FCER2: variants seen among roughly 807,000 people sequenced by gnomAD.
The protein encoded by FCER2 is Fc epsilon receptor II.
Under a neutral mutation model 49.7 loss-of-function variants are expected in FCER2, and 38 were observed. That is an observed-to-expected ratio of 0.76 (90% confidence interval 0.59 to 1.00). FCER2 has a LOEUF of 1.00. Among genes scored for constraint, FCER2 ranks in the 50% least tolerant of loss-of-function variants. FCER2 has a pLI of 0.00. For missense variants in FCER2, 425 were observed against 419.5 expected (o/e 1.01, Z -0.11); for synonymous variants, 163 against 164.6 (o/e 0.99, Z 0.07).
chr19:7,692,113 T>C (rs374671533), intron 8 of FCER2, among the ~76,000 whole-genome samples: 1 of 68,458 alleles, frequency 1.5e-5, no homozygotes, highest in Admixed American at 1.2e-4. Flanking sequence ...ACCATTGTCA[T>C]GAACACATTC....
At position 7,689,381 on chromosome 19, in the gene FCER2, C is replaced by G; in HGVS notation, c.778G>C (p.Val260Leu). The G allele has an allele frequency of 6.2e-7, 1 of 1,608,252 alleles. No individual in the cohort carries two copies. The highest frequency in any genetic ancestry group is 1.1e-5 in the South Asian group (1 of 90,278). Residue 260 changes from valine (V) to leucine (L), a missense_variant, in exon 11 of 11, where the codon GTG (valine) becomes CTG (leucine). Physicochemically the swap from Val to Leu is conservative, Grantham distance 32. Coordinates refer to ENST00000597921, the MANE Select transcript of FCER2 (RefSeq NM_001220500.2). The part of the protein sequence containing the change: ...PTSRSQGEDC[V>L]MMRGSGRWND... The stretch of plus-strand genomic sequence containing the variant: ...CAGCGACCGGAGCCCCGCATCATCA[C>G]GCAGTCCTCGCCCTGGCTCCGGCTG...
intron 10 of FCER2, among the ~76,000 whole-genome samples, chr19:7,689,681 G>C (rs1021071374): frequency 3.9e-5 from 6 of 151,996 alleles, no homozygotes; most frequent in African/African-American, 1.2e-4. Context: ...AGTGCAGTGC[G>C]CGATCTCAGC....
In FCER2 at chr19:7,698,346, C is replaced by T. The variant is rs1449187053; in HGVS notation, c.190+10G>A. 6 of 1,598,628 alleles carry T rather than the reference C, an allele frequency of 3.8e-6. No homozygotes were observed. The highest frequency in any genetic ancestry group is 1.7e-5 in the Admixed American group (1 of 58,564). ...TCACCCCCACCCCCTCCACCTTGAC[C>T]CCTTCATACCGTTCCGGGCAGCCCT... On this transcript the variant is annotated intron_variant, in intron 4 of 10. Transcript: ENST00000597921.
At position 7,697,616 on chromosome 19, in the gene FCER2, C is replaced by T. The variant is rs777510712; in HGVS notation, c.191-27G>A. 1.9e-6 allele frequency: 3 copies of T among 1,608,942 alleles called. No individual in the cohort carries two copies. The African/African-American group carries it at 4.0e-5, about 21-fold the overall frequency. On this transcript the variant is annotated intron_variant, in intron 4 of 10. Transcript: ENST00000597921. The stretch of plus-strand genomic sequence containing the variant: ...TGGAGCGGCGGGAGAGAAGAGATAT[C>T]CCAGGAACCTCAAAGGCAGGTCCTT...
chr19:7,689,489 C>T (rs774226662), intron 10 of FCER2, 59 bp from the exon 11 acceptor site: 4 of 1,139,510 alleles, frequency 3.5e-6, no homozygotes, highest in Non-Finnish European at 5.0e-6. Context: ...CAGTTCCCGG[C>T]AGCCCTCTGA....
chr19:7,698,552 G>T, intron 3 of FCER2, 143 bp from the exon 4 acceptor site: 1 of 868,548 alleles, frequency 1.2e-6, no homozygotes, highest in Non-Finnish European at 1.8e-6. Context: ...GATGCTGGGT[G>T]TGGGGTGAGG....
chr19:7,698,781 G>A lies in FCER2; in HGVS notation c.96C>T (p.Ala32=), dbSNP rs185214885. 78 of 1,612,656 alleles carry A rather than the reference G, an allele frequency of 4.8e-5. No individual in the cohort carries two copies. The highest frequency in any genetic ancestry group is 3.4e-5 in the Non-Finnish European group (40 of 1,179,452). The change falls in exon 3 of 11, where the codon GCC becomes GCT. Residue 32 remains alanine, a synonymous_variant. Transcript: ENST00000597921. ...GAGTCAGCAGCCCAGCCCACAGAGC[G>A]GCGGTCACCAGCCCCAGCAGCACGA... ...TQIVLLGLVT[A]ALWAGLLTLL... is the part of the protein sequence containing the mutation.
At chr19:7,699,624 G>A (rs894136483) in intron 2 of FCER2, 115 bp downstream of exon 2, 19 of 1,292,810 alleles carry the variant, frequency 1.5e-5, no homozygotes, top group Non-Finnish European at 2.0e-5. Flanking sequence ...CCCTTTCTTA[G>A]AAATTCACCC....
At chr19:7,698,450 T>A in intron 3 of FCER2, 41 bp from the exon 4 acceptor site, 4 of 1,482,370 alleles carry the variant, frequency 2.7e-6, no homozygotes, top group African/African-American at 1.4e-5. Context: ...GGGGGGATTG[T>A]CAGTGCCCCC....
At chr19:7,696,960 C>T (rs752349516) in intron 7 of FCER2, 46 bp from the exon 8 acceptor site, 1 of 1,557,124 alleles carries the variant, frequency 6.4e-7, no homozygotes, top group South Asian at 1.2e-5. Flanking sequence ...AACTGGCAGG[C>T]CCCCTCCTTG....
intron 3 of FCER2, 86 bp downstream of exon 3, chr19:7,698,655 C>T: frequency 1.9e-6 from 3 of 1,541,836 alleles, no homozygotes; most frequent in Non-Finnish European, 2.6e-6. Context: ...CGTTGGGCTC[C>T]CCCAGCTCTG....
At position 7,701,228 on chromosome 19, in the gene FCER2, C is replaced by T. The variant is rs1052405431; in HGVS notation, c.-86+787G>A. On this transcript the variant is annotated intron_variant, in intron 1 of 10. Transcript: ENST00000597921. ...GCTTGACTATAGGTAAGTCCCTTCT[C>T]TCGGAGCCTCAGGGAGGTGGGGTGT... Among the ~76,000 whole-genome samples the T allele has an allele frequency of 2.6e-5, 4 of 152,298 alleles. No homozygotes were observed. In the East Asian group the frequency reaches 7.7e-4, roughly 29 times the overall value.
At position 7,690,560 on chromosome 19, in the gene FCER2, G is replaced by A; in HGVS notation, c.470-3C>T. ...AGGGCACGTGTTGCACACAAAGCCT[G>A]GGGTGGAGGAGAGGCTCGGGGGTGG... is the stretch of plus-strand genomic sequence containing the variant. On this transcript the variant is annotated splice_region_variant and splice_polypyrimidine_tract_variant and intron_variant, in intron 8 of 10. Coordinates refer to ENST00000597921, the MANE Select transcript of FCER2 (RefSeq NM_001220500.2). 1.2e-6 allele frequency: 2 copies of A among 1,613,532 alleles called. No individual in the cohort carries two copies. Among genetic ancestry groups the A allele is most frequent in the East Asian group, 4.5e-5 (2 of 44,882 alleles).
In FCER2 at chr19:7,688,939, ACT is replaced by A. The variant is rs1449471163; in HGVS notation, c.*252_*253del. 7 of 462,832 alleles carry A rather than the reference ACT, an allele frequency of 1.5e-5. No homozygotes were observed. Among genetic ancestry groups the A allele is most frequent in the African/African-American group, 4.3e-5 (2 of 46,886 alleles). The allele number at this position is 462,832 out of a possible 1,614,324, so 28.7% of individuals were successfully genotyped here. On this transcript the variant is annotated 3_prime_UTR_variant, in exon 11 of 11. Transcript: ENST00000597921. ...TCTGGAGAGGGTGCTGTTGGGGTGTACTCTCATCTGGAGAGGGTGCTGTTGGG... is the reference window on the plus strand; with the variant it reads ...TCTGGAGAGGGTGCTGTTGGGGTGTACTCATCTGGAGAGGGTGCTGTTGGG...
In FCER2 at chr19:7,698,267, G is replaced by T. The variant is rs1029131624; in HGVS notation, c.190+89C>A. 11 of 945,512 alleles carry T rather than the reference G, an allele frequency of 1.2e-5. No individual in the cohort carries two copies. The East Asian group carries it at 2.8e-4, about 24-fold the overall frequency. The allele number at this position is 945,512 out of a possible 1,614,324, so 58.6% of individuals were successfully genotyped here. ...TTAGTTTGACCTTCAGTTCCTTAGC[G>T]AGGGGACACTGAGGCCCAGAGAGGA... On this transcript the variant is annotated intron_variant, in intron 4 of 10. Transcript: ENST00000597921.
intron 3 of FCER2, 117 bp downstream of exon 3, chr19:7,698,624 A>G: frequency 7.1e-7 from 1 of 1,412,960 alleles, no homozygotes; most frequent in Non-Finnish European, 9.6e-7. Context: ...CAGGATGGGA[A>G]AATTGGGTTT....
At position 7,689,247 on chromosome 19, in the gene FCER2, T is replaced by A. The variant is rs1230919845; in HGVS notation, c.912A>T (p.Ser304=). 1 of 1,613,784 alleles carries A rather than the reference T, an allele frequency of 6.2e-7. No homozygotes were observed. Among genetic ancestry groups the A allele is most frequent in the Non-Finnish European group, 8.5e-7 (1 of 1,179,894 alleles). The stretch of plus-strand genomic sequence containing the variant: ...GCAGGCGGCCGTCAGGGTCTGGTCT[T>A]GAATCAGGTCCCATGGACTCCGCGG... The part of the protein sequence containing the change: ...EGSAESMGPD[S]RPDPDGRLPT... Residue 304 remains serine, a synonymous_variant, in exon 11 of 11, where the codon TCA becomes TCT. Coordinates refer to ENST00000597921, the MANE Select transcript of FCER2 (RefSeq NM_001220500.2).
At chr19:7,701,060 T>C (rs1213109150) in intron 1 of FCER2, among the ~76,000 whole-genome samples, 3 of 152,152 alleles carry the variant, frequency 2.0e-5, no homozygotes, top group African/African-American at 4.8e-5. Context: ...TCTGCCCTCC[T>C]CAGCCTCCCA....
intron 8 of FCER2, among the ~76,000 whole-genome samples, chr19:7,694,012 G>A (rs1000675696): frequency 1.4e-5 from 2 of 147,324 alleles, no homozygotes; most frequent in Admixed American, 6.8e-5. Context: ...GGCCAGTCTC[G>A]AACTCCTGGG....
Sources: gnomAD v4.1 joint callset for allele counts (sites outside exome capture counted in the v4.1 genomes callset) on GRCh38, gnomAD v4.1.1 for gene constraint, MANE v1.5 for transcripts, NCBI Gene and HGNC (gene_info 2026-07-23, HGNC 2026-07-21) for gene names.